The following RAB31 variants were observed in gnomAD, a reference collection of about 807,000 sequenced individuals.
RAB31 encodes RAB31, member RAS oncogene family, also known as ras-related protein Rab-31.
A neutral mutation model predicts 25.6 loss-of-function variants in RAB31; 21 were observed. The ratio of observed to expected loss-of-function variants is 0.82; its 90% confidence interval spans 0.58 to 1.18. The LOEUF is 1.18. RAB31 is among the 50% of genes most tolerant of loss of function. The pLI is 0.00. For synonymous variants in RAB31, 87 were observed against 84.0 expected (o/e 1.04, Z -0.20); for missense variants, 196 against 250.1 (o/e 0.78, Z 1.46).
intron 5 of RAB31, among the ~76,000 whole-genome samples, chr18:9,843,270 C>T (rs1451835359): frequency 2.6e-5 from 4 of 152,228 alleles, no homozygotes; most frequent in Middle Eastern, 6.8e-3. Flanking sequence ...AGAGGCTGGG[C>T]GCAGTGGTGC....
At chr18:9,853,678 T>C (rs2068800390) in intron 6 of RAB31, among the ~76,000 whole-genome samples, 1 of 152,238 alleles carries the variant, frequency 6.6e-6, no homozygotes, top group Non-Finnish European at 1.5e-5. Flanking sequence ...AACTATAGAC[T>C]GACTATCCTT....
chr18:9,808,093 A>T lies in RAB31; in HGVS notation c.202-5927A>T, dbSNP rs535007119. Reference sequence around the variant, plus strand: ...TGAGGCTTGCAGCACATTTGTCAGAAAGGAGTCAGGTGCTCATCAGGTCTC... The same window carrying T: ...TGAGGCTTGCAGCACATTTGTCAGATAGGAGTCAGGTGCTCATCAGGTCTC... On this transcript the variant is annotated intron_variant, in intron 3 of 6. Transcript: ENST00000578921. Among the ~76,000 whole-genome samples, 37 of 152,336 alleles carry T rather than the reference A, an allele frequency of 2.4e-4. No individual in the cohort carries two copies. The South Asian group carries it at 7.7e-3, about 32-fold the overall frequency.
chr18:9,745,327 T>G (rs2068200115), intron 1 of RAB31, among the ~76,000 whole-genome samples: 1 of 152,056 alleles, frequency 6.6e-6, no homozygotes, highest in Admixed American at 6.5e-5. Context: ...AAAGAAAGGC[T>G]CAGGACCAGA....
intron 1 of RAB31, among the ~76,000 whole-genome samples, chr18:9,758,837 A>T (rs1052000591): frequency 1.3e-5 from 2 of 152,080 alleles, no homozygotes; most frequent in African/African-American, 4.8e-5. Flanking sequence ...AGCAAGGGTG[A>T]CTACAAAAAT....
intron 5 of RAB31, among the ~76,000 whole-genome samples, chr18:9,830,784 A>G (rs1296069562): frequency 6.6e-6 from 1 of 152,208 alleles, no homozygotes; most frequent in Non-Finnish European, 1.5e-5. Context: ...TTATTCCCCT[A>G]ATATTAACTT....
intron 1 of RAB31, chr18:9,735,002 TGTTGTCGTC>T (rs2068143476): frequency 4.7e-6 from 1 of 210,576 alleles, no homozygotes; most frequent in African/African-American, 2.4e-5. Context: ...GGTGGTTTTT[TGTTGTCGTC>T]GTTGTTGTTG....
chr18:9,835,959 T>C (rs2068702278), intron 5 of RAB31, among the ~76,000 whole-genome samples: 1 of 152,094 alleles, frequency 6.6e-6, no homozygotes, highest in South Asian at 2.1e-4. Flanking sequence ...CGGGGCCTGC[T>C]GTGAGAACGC....
chr18:9,835,816 T>C (rs2068701557), intron 5 of RAB31, among the ~76,000 whole-genome samples: 1 of 152,230 alleles, frequency 6.6e-6, no homozygotes, highest in African/African-American at 2.4e-5. Flanking sequence ...ACAGAGATTT[T>C]GCTGCTTTAA....
At chr18:9,835,471 GAT>G (rs1233810897) in intron 5 of RAB31, among the ~76,000 whole-genome samples, 2 of 152,180 alleles carry the variant, frequency 1.3e-5, no homozygotes, top group Non-Finnish European at 2.9e-5. Flanking sequence ...TCCAAATTCT[GAT>G]ATGTTTTCCA....
intron 1 of RAB31, among the ~76,000 whole-genome samples, chr18:9,771,866 T>C (rs1246223656): frequency 2.0e-5 from 3 of 152,242 alleles, no homozygotes; most frequent in African/African-American, 7.2e-5. Context: ...AGAATGTACA[T>C]TTGACAGTGC....
intron 1 of RAB31, among the ~76,000 whole-genome samples, chr18:9,768,716 C>T (rs1318207961): frequency 6.6e-6 from 1 of 152,164 alleles, no homozygotes; most frequent in East Asian, 1.9e-4. Context: ...TCTCATTTGT[C>T]AACTTTGGCT....
At chr18:9,733,311 C>CT (rs1262045811) in intron 1 of RAB31, among the ~76,000 whole-genome samples, 1 of 152,176 alleles carries the variant, frequency 6.6e-6, no homozygotes, top group Non-Finnish European at 1.5e-5. Context: ...GAGGGAGTCA[C>CT]TCCTCCCACC....
chr18:9,758,678 A>G (rs751340629), intron 1 of RAB31, among the ~76,000 whole-genome samples: 11 of 152,140 alleles, frequency 7.2e-5, no homozygotes, highest in Non-Finnish European at 1.5e-4. Context: ...GGGTAGACAC[A>G]TGGGACTTAC....
At chr18:9,799,755 T>C (rs1394123381) in intron 3 of RAB31, among the ~76,000 whole-genome samples, 10 of 152,228 alleles carry the variant, frequency 6.6e-5, no homozygotes, top group African/African-American at 2.4e-4. Context: ...GGTGATATGG[T>C]AATTCATAGG....
At chr18:9,790,960 A>C (rs1039074409) in intron 2 of RAB31, among the ~76,000 whole-genome samples, 1 of 152,354 alleles carries the variant, frequency 6.6e-6, no homozygotes, top group South Asian at 2.1e-4. Flanking sequence ...CATGAGCACA[A>C]AGAAAATGCT....
intron 2 of RAB31, among the ~76,000 whole-genome samples, chr18:9,783,773 G>C (rs1489886133): frequency 2.0e-5 from 3 of 152,194 alleles, no homozygotes; most frequent in Non-Finnish European, 2.9e-5. Flanking sequence ...TCATGAACTT[G>C]AGAAAAATTC....
chr18:9,837,781 G>A (rs1025699259), intron 5 of RAB31, among the ~76,000 whole-genome samples: 10 of 152,088 alleles, frequency 6.6e-5, no homozygotes, highest in Admixed American at 4.6e-4. Context: ...TTCAAAGTAC[G>A]ATGCAGTTCT....
intron 1 of RAB31, among the ~76,000 whole-genome samples, chr18:9,709,009 G>A (rs897896771): frequency 6.6e-6 from 1 of 152,238 alleles, no homozygotes; most frequent in Non-Finnish European, 1.5e-5. Flanking sequence ...CAGCCAAGGG[G>A]GTGAAAGCCG....
intron 3 of RAB31, among the ~76,000 whole-genome samples, chr18:9,808,481 G>A (rs1047864979): frequency 1.3e-5 from 2 of 152,168 alleles, no homozygotes; most frequent in Non-Finnish European, 2.9e-5. Flanking sequence ...GAGAGAGAGG[G>A]TCTATGTAAA....
Sources: allele counts gnomAD v4.1 joint callset (sites outside exome capture counted in the v4.1 genomes callset), GRCh38; gene constraint gnomAD v4.1.1; transcripts MANE v1.5; gene names NCBI Gene and HGNC (gene_info 2026-07-23, HGNC 2026-07-21).